Variants in CMYA5 observed in about 807,000 individuals in gnomAD.
CMYA5 encodes the protein cardiomyopathy-associated protein 5.
Under a neutral mutation model 318.9 loss-of-function variants are expected in CMYA5, and 246 were observed. The observed-to-expected ratio is 0.77, with a 90% CI of 0.70 to 0.86. The LOEUF (loss-of-function observed/expected upper bound fraction) is 0.86. CMYA5 is among the 40% of genes least tolerant of loss of function. The pLI is 0.00. For synonymous variants in CMYA5, 1,641 were observed against 1,729.5 expected (o/e 0.95, Z 1.27); for missense variants, 4,589 against 4,678.2 (o/e 0.98, Z 0.56).
chr5:79,717,127 T>C (rs931404487), intron 1 of CMYA5, among the ~76,000 whole-genome samples: 1 of 152,238 alleles, frequency 6.6e-6, no homozygotes, highest in African/African-American at 2.4e-5. Flanking sequence ...TTTTGAGTTG[T>C]ATTTTTACTA....
At position 79,745,472 on chromosome 5, in the gene CMYA5, A is replaced by G; in HGVS notation, c.10968+17A>G. On this transcript the variant is annotated intron_variant, in intron 4 of 12. Transcript: ENST00000446378. ...TTCCTGACTGTAAGTGCCAAGTAAAATGGGCTCAAACACCTTGCGCCCACT... is the reference window on the plus strand; with the variant it reads ...TTCCTGACTGTAAGTGCCAAGTAAAGTGGGCTCAAACACCTTGCGCCCACT... 6.3e-7 allele frequency: 1 copy of G among 1,578,988 alleles called. No individual in the cohort carries two copies. Among genetic ancestry groups the G allele is most frequent in the Non-Finnish European group, 8.7e-7 (1 of 1,148,254 alleles).
At position 79,714,439 on chromosome 5, in the gene CMYA5, T is replaced by C. The variant is rs907907068; in HGVS notation, c.150-14476T>C. ...ATATCTTTTTTCTTTTTCTTTTTTT[T>C]TTTTTTTTTTTTGAGATGGGGTCTC... On this transcript the variant is annotated intron_variant, in intron 1 of 12. Coordinates refer to ENST00000446378, the MANE Select transcript of CMYA5 (RefSeq NM_153610.5). 1.8e-3 allele frequency among the ~76,000 whole-genome samples: 255 copies of C among 144,194 alleles called. 1 individual carries two copies. The highest frequency in any genetic ancestry group is 6.4e-3 in the African/African-American group (245 of 38,400). 94.6% of individuals were successfully genotyped at this position (144,194 alleles called of 152,430 possible).
In CMYA5 at chr5:79,734,041, C is replaced by T; in HGVS notation, c.5276C>T (p.Ala1759Val). Residue 1759 changes from alanine (A) to valine (V), a missense_variant, in exon 2 of 13, where the codon GCC becomes GTC. Physicochemically the swap from Ala to Val is moderately conservative, Grantham distance 64. This residue lies in a region of CMYA5 where 2,132 missense variants were observed against 2,131.3 expected (regional missense o/e 1.00). Transcript: ENST00000446378. ...KGLSEEVSHP[A>V]DFKKGGNQEI... Reference sequence around the variant, plus strand: ...TTATCAGAGGAGGTTAGCCATCCAGCCGACTTTAAAAAGGGAGGAAATCAA... The same window carrying T: ...TTATCAGAGGAGGTTAGCCATCCAGTCGACTTTAAAAAGGGAGGAAATCAA... 1.2e-6 allele frequency: 2 copies of T among 1,613,760 alleles called. No homozygotes were observed. The highest frequency in any genetic ancestry group is 2.2e-5 in the South Asian group (2 of 91,078).
At chr5:79,765,556 T>C (rs908745939) in intron 9 of CMYA5, among the ~76,000 whole-genome samples, 1 of 152,240 alleles carries the variant, frequency 6.6e-6, no homozygotes, top group African/African-American at 2.4e-5. Context: ...GGGGATAGCA[T>C]TGAATCTGTA....
intron 1 of CMYA5, among the ~76,000 whole-genome samples, chr5:79,692,806 T>C (rs1826993038): frequency 6.6e-6 from 1 of 152,234 alleles, no homozygotes; most frequent in Non-Finnish European, 1.5e-5. Flanking sequence ...CATTCATCCA[T>C]GAAGGGAGAG....
intron 9 of CMYA5, among the ~76,000 whole-genome samples, chr5:79,786,751 G>A (rs1829088976): frequency 6.6e-6 from 1 of 152,218 alleles, no homozygotes; most frequent in Non-Finnish European, 1.5e-5. Context: ...AGTGGAGTCA[G>A]AATAAGTAGA....
chr5:79,725,021 G>T (rs556133136), intron 1 of CMYA5, among the ~76,000 whole-genome samples: 2 of 152,202 alleles, frequency 1.3e-5, no homozygotes, highest in African/African-American at 4.8e-5. Context: ...TTTCCCTTCT[G>T]TATGTTCTAA....
chr5:79,707,091 C>T (rs1827287954), intron 1 of CMYA5, among the ~76,000 whole-genome samples: 2 of 152,198 alleles, frequency 1.3e-5, no homozygotes, highest in South Asian at 4.2e-4. Flanking sequence ...CTCTAATTTT[C>T]TTGGTGTGGC....
chr5:79,755,319 C>G (rs1828506177), intron 6 of CMYA5, among the ~76,000 whole-genome samples: 1 of 151,876 alleles, frequency 6.6e-6, no homozygotes, highest in South Asian at 2.1e-4. Flanking sequence ...CAGAGTCTCA[C>G]TCTGTCGCCC....
At chr5:79,699,176 C>CAAA (rs1394566272) in intron 1 of CMYA5, among the ~76,000 whole-genome samples, 62 of 151,704 alleles carry the variant, frequency 4.1e-4, no homozygotes, top group South Asian at 3.5e-3. Flanking sequence ...ACAACAACAA[C>CAAA]AAAAAAAGAA....
chr5:79,790,493 G>A (rs374631), intron 10 of CMYA5, among the ~76,000 whole-genome samples: 102,962 of 151,982 alleles, frequency 0.68, 35,778 homozygotes, highest in East Asian at 0.9. Flanking sequence ...CTGGTCTCGA[G>A]CTCCTGACCT....
intron 1 of CMYA5, among the ~76,000 whole-genome samples, chr5:79,718,288 G>T (rs1580756889): frequency 2.0e-5 from 3 of 152,104 alleles, no homozygotes; most frequent in Admixed American, 2.0e-4. Context: ...AATATTAATT[G>T]TAGAGTTAAT....
rs148964995 is a variant in CMYA5, at chr5:79,771,367, C to T, written c.11555+8158C>T. Among the ~76,000 whole-genome samples the T allele has an allele frequency of 5.5e-3, 844 of 152,286 alleles. 9 individuals carry two copies. The highest frequency in any genetic ancestry group is 0.019 in the African/African-American group (793 of 41,550). On this transcript the variant is annotated intron_variant, in intron 9 of 12. Transcript: ENST00000446378. ...CCCTGTATCAGAAGTGCCAGAGTCC[C>T]AGAGTAATCTCTCCCACCATTTTCT...
intron 5 of CMYA5, among the ~76,000 whole-genome samples, chr5:79,749,144 G>C (rs1828386233): frequency 6.6e-6 from 1 of 152,174 alleles, no homozygotes; most frequent in South Asian, 2.1e-4. Context: ...CCAGTTGACA[G>C]TGAATTAATT....
chr5:79,740,203 C>A (rs889593890), intron 2 of CMYA5, among the ~76,000 whole-genome samples: 4 of 152,086 alleles, frequency 2.6e-5, no homozygotes, highest in African/African-American at 9.7e-5. Flanking sequence ...TTGGTATCTG[C>A]TGACATCCTG....
chr5:79,791,475 C>T (rs10462365), intron 11 of CMYA5, among the ~76,000 whole-genome samples: 17,040 of 152,006 alleles, frequency 0.11, 1,513 homozygotes, highest in Admixed American at 0.29. Context: ...AATCCCAGCA[C>T]TTTGGGAGGC....
chr5:79,791,360 A>C (rs1048619267), intron 11 of CMYA5, among the ~76,000 whole-genome samples: 1 of 152,164 alleles, frequency 6.6e-6, no homozygotes, highest in Non-Finnish European at 1.5e-5. Context: ...TGGGGGAAAA[A>C]AAGGGTCCAG....
rs1414468146 is a variant in CMYA5, at chr5:79,778,967, G to A, written c.11556-10004G>A. Among the ~76,000 whole-genome samples the A allele has an allele frequency of 6.1e-3, 670 of 110,684 alleles. 1 individual carries two copies. The highest frequency in any genetic ancestry group is 9.3e-3 in the Admixed American group (95 of 10,264). The allele number at this position is 110,684 out of a possible 152,430, so 72.6% of individuals were successfully genotyped here. ...TAGGGTACATGTGCACATTGTGCAG[G>A]TTAGTTACATATGTATACATGTGCC... On this transcript the variant is annotated intron_variant, in intron 9 of 12. Coordinates refer to ENST00000446378, the MANE Select transcript of CMYA5 (RefSeq NM_153610.5).
At position 79,789,104 on chromosome 5, in the gene CMYA5, G is replaced by A; in HGVS notation, c.11689G>A (p.Gly3897Arg). ...QSEAALISTRGTRFLLLRETA... is the reference protein window; with the variant it reads ...QSEAALISTRRTRFLLLRETA... ...TGAAGCTGCTCTCATCTCCACCAGA[G>A]GTACTTTCTCCTTTGCACACAGTGA... is the stretch of plus-strand genomic sequence containing the variant. The change falls in exon 10 of 13, where the codon GGA (glycine) becomes AGA (arginine). Residue 3897 changes from glycine (G) to arginine (R), a missense_variant and splice_region_variant. Physicochemically the swap from Gly to Arg is moderately radical, Grantham distance 125. This residue lies in a region of CMYA5 where 2,431 missense variants were observed against 2,495.1 expected (regional missense o/e 0.97). Transcript: ENST00000446378. 1 of 1,613,614 alleles carries A rather than the reference G, an allele frequency of 6.2e-7. No individual in the cohort carries two copies. Among genetic ancestry groups the A allele is most frequent in the Non-Finnish European group, 8.5e-7 (1 of 1,179,732 alleles).
Sources: gnomAD v4.1 joint callset for allele counts (sites outside exome capture counted in the v4.1 genomes callset) on GRCh38, gnomAD v4.1.1 for gene constraint, gnomAD v4.1.1 regional missense constraint, MANE v1.5 for transcripts, NCBI Gene and HGNC (gene_info 2026-07-23, HGNC 2026-07-21) for gene names.